TBCA: variants seen among roughly 807,000 people sequenced by gnomAD.
The protein encoded by TBCA is tubulin folding cofactor A, also known as tubulin-specific chaperone A.
TBCA carries 6 observed loss-of-function variants against 15.8 expected under a neutral mutation model. The observed-to-expected ratio is 0.38, with a 90% confidence interval of 0.21 to 0.75. TBCA has a LOEUF of 0.75. Ranked by LOEUF, TBCA falls within the 30% of genes least tolerant of loss-of-function variation. The pLI is 0.46. For missense variants in TBCA, 90 were observed against 131.2 expected, an observed-to-expected ratio of 0.69 and a Z score of 1.53; for synonymous variants, 32 against 42.3, an observed-to-expected ratio of 0.76 and a Z score of 0.94.
intron 1 of TBCA, among the ~76,000 whole-genome samples, chr5:77,718,767 C>A (rs927968434): frequency 6.6e-6 from 1 of 152,054 alleles, no homozygotes; most frequent in Admixed American, 6.6e-5. Flanking sequence ...AGTGTGCTAC[C>A]CAGAAACACA....
At chr5:77,708,135 GA>G (rs1397132763) in intron 2 of TBCA, 106 bp downstream of exon 2, 51 of 706,694 alleles carry the variant, frequency 7.2e-5, no homozygotes, top group Non-Finnish European at 1.1e-4. Flanking sequence ...TAATAGTAAA[GA>G]AGTAAATAAT....
chr5:77,693,674 C>T, intron 2 of TBCA: 2 of 270,336 alleles, frequency 7.4e-6, no homozygotes, highest in South Asian at 7.5e-5. Flanking sequence ...TGGAGCATGC[C>T]TGTAATCCCA....
intron 1 of TBCA, among the ~76,000 whole-genome samples, chr5:77,750,685 A>G (rs1429326461): frequency 6.6e-6 from 1 of 152,234 alleles, no homozygotes; most frequent in Non-Finnish European, 1.5e-5. Flanking sequence ...TCAAAATATC[A>G]GAGACAAGTC....
chr5:77,757,543 C>T (rs915123079), intron 1 of TBCA, among the ~76,000 whole-genome samples: 1 of 152,098 alleles, frequency 6.6e-6, no homozygotes, highest in Non-Finnish European at 1.5e-5. Flanking sequence ...AGATCTCAAC[C>T]AAATTTTGGG....
intron 2 of TBCA, among the ~76,000 whole-genome samples, chr5:77,694,912 T>C (rs1745840921): frequency 1.3e-5 from 2 of 152,306 alleles, no homozygotes; most frequent in East Asian, 3.9e-4. Context: ...AAACATAACA[T>C]CATTATTTTA....
chr5:77,697,899 G>A (rs1174355245), intron 2 of TBCA, among the ~76,000 whole-genome samples: 1 of 152,080 alleles, frequency 6.6e-6, no homozygotes, highest in Non-Finnish European at 1.5e-5. Context: ...GGAGGTTGGG[G>A]CAGGCAGATC....
At chr5:77,737,798 T>C (rs1746944412) in intron 1 of TBCA, among the ~76,000 whole-genome samples, 1 of 148,928 alleles carries the variant, frequency 6.7e-6, no homozygotes, top group East Asian at 2.1e-4. Flanking sequence ...TTCAGGTCAA[T>C]AAATCCAGCA....
chr5:77,738,194 A>G (rs1002335544), intron 1 of TBCA, among the ~76,000 whole-genome samples: 1 of 152,102 alleles, frequency 6.6e-6, no homozygotes, highest in African/African-American at 2.4e-5. Flanking sequence ...TCCACTATAA[A>G]ATTTTCAAGA....
intron 1 of TBCA, among the ~76,000 whole-genome samples, chr5:77,750,421 G>A (rs1747296200): frequency 6.6e-6 from 1 of 151,952 alleles, no homozygotes; most frequent in South Asian, 2.1e-4. Flanking sequence ...CCTGACTCAC[G>A]AAGTTTATAC....
intron 1 of TBCA, among the ~76,000 whole-genome samples, chr5:77,740,760 T>A (rs538351216): frequency 2.0e-5 from 3 of 152,110 alleles, no homozygotes; most frequent in Admixed American, 2.0e-4. Flanking sequence ...ATATTGCTCA[T>A]TGGAGTGCTG....
intron 1 of TBCA, among the ~76,000 whole-genome samples, chr5:77,762,962 G>A (rs993086140): frequency 2.6e-5 from 4 of 152,168 alleles, no homozygotes; most frequent in African/African-American, 9.7e-5. Context: ...AAAGACAAGC[G>A]GCCGGGCGCG....
intron 1 of TBCA, among the ~76,000 whole-genome samples, chr5:77,757,340 T>TC (rs1747498891): frequency 6.6e-6 from 1 of 152,108 alleles, no homozygotes; most frequent in Admixed American, 6.5e-5. Flanking sequence ...TAAAGACTGC[T>TC]CTCTAGCATC....
intron 1 of TBCA, among the ~76,000 whole-genome samples, chr5:77,749,923 G>A (rs1747277720): frequency 6.6e-6 from 1 of 152,132 alleles, no homozygotes; most frequent in Admixed American, 6.6e-5. Context: ...TAAATGCAAT[G>A]TAAAAAAGTA....
chr5:77,775,227 T>C (rs578023880), intron 1 of TBCA, among the ~76,000 whole-genome samples: 218 of 152,342 alleles, frequency 1.4e-3, no homozygotes, highest in Middle Eastern at 6.8e-3. Context: ...CGCAGATTCA[T>C]TTAGCCGACT....
chr5:77,723,251 T>A (rs1028499866), intron 1 of TBCA, among the ~76,000 whole-genome samples: 2 of 151,866 alleles, frequency 1.3e-5, no homozygotes, highest in African/African-American at 4.8e-5. Context: ...AAGCTACAAA[T>A]CTTATAAAGT....
Position 77,776,334 on chromosome 5 carries a change from A to G in TBCA, c.-77T>C. The G allele has an allele frequency of 6.6e-7, 1 of 1,521,148 alleles. No homozygotes were observed. The highest frequency in any genetic ancestry group is 8.9e-7 in the Non-Finnish European group (1 of 1,124,034). The allele number at this position is 1,521,148 out of a possible 1,614,324, so 94.2% of individuals were successfully genotyped here. ...AGGGCGACGCGCAGAGGCTGCGGCT[A>G]TTTAGGCGTGGTCGCCGGCGCGCAT... On this transcript the variant is annotated 5_prime_UTR_variant, in exon 1 of 4. Coordinates refer to ENST00000380377, the MANE Select transcript of TBCA (RefSeq NM_004607.3).
At chr5:77,722,398 T>C (rs1422831654) in intron 1 of TBCA, among the ~76,000 whole-genome samples, 4 of 152,010 alleles carry the variant, frequency 2.6e-5, no homozygotes, top group African/African-American at 7.2e-5. Flanking sequence ...GAAAAAGGAA[T>C]GCTCTTCAAA....
chr5:77,733,844 G>T (rs903272990), intron 1 of TBCA, among the ~76,000 whole-genome samples: 4 of 152,136 alleles, frequency 2.6e-5, no homozygotes, highest in African/African-American at 9.7e-5. Flanking sequence ...ACTTCCATAG[G>T]TAGAAATTAG....
intron 1 of TBCA, among the ~76,000 whole-genome samples, chr5:77,759,813 A>G (rs921564342): frequency 5.3e-5 from 8 of 152,228 alleles, no homozygotes; most frequent in Admixed American, 6.5e-5. Context: ...TATACTTTGT[A>G]TAAGTATGTA....
Sources: allele counts gnomAD v4.1 joint callset (sites outside exome capture counted in the v4.1 genomes callset), GRCh38; gene constraint gnomAD v4.1.1; transcripts MANE v1.5; gene names NCBI Gene and HGNC (gene_info 2026-07-23, HGNC 2026-07-21).